CALCOCO2: variants seen among roughly 807,000 people sequenced by gnomAD.
CALCOCO2 encodes the protein calcium binding and coiled-coil domain 2.
Under a neutral mutation model 62.5 loss-of-function variants are expected in CALCOCO2, and 42 were observed. The ratio of observed to expected loss-of-function variants is 0.67; its 90% CI spans 0.53 to 0.87. CALCOCO2 has a LOEUF of 0.87. Among genes scored for constraint, CALCOCO2 ranks in the 40% least tolerant of loss-of-function variants. The pLI, the probability that CALCOCO2 is intolerant of heterozygous loss-of-function variation, is 0.00. For synonymous variants in CALCOCO2, 167 were observed against 173.0 expected, an observed-to-expected ratio of 0.97 and a Z score of 0.27; for missense variants, 456 against 515.0, an observed-to-expected ratio of 0.89 and a Z score of 1.11.
chr17:48,849,155 C>T (rs1351717968), intron 4 of CALCOCO2, 97 bp from the exon 5 acceptor site: 23 of 1,123,670 alleles, frequency 2.0e-5, no homozygotes, highest in Non-Finnish European at 2.8e-5. Flanking sequence ...GGTGTCACTG[C>T]AGTGAATGGG....
intron 10 of CALCOCO2, among the ~76,000 whole-genome samples, chr17:48,857,520 T>TTTTTTTTTTTTTTTTTTA: frequency 7.8e-6 from 1 of 128,028 alleles, no homozygotes; most frequent in Non-Finnish European, 1.6e-5. Flanking sequence ...TTTTTTTTTT[T>TTTTTTTTTTTTTTTTTTA]GAGACGGAGT....
At chr17:48,850,205 A>G (rs2040107777) in intron 5 of CALCOCO2, among the ~76,000 whole-genome samples, 3 of 152,332 alleles carry the variant, frequency 2.0e-5, no homozygotes, top group African/African-American at 7.2e-5. Context: ...AGGCTGAGGC[A>G]GGAGAATTGC....
chr17:48,846,381 G>T, intron 2 of CALCOCO2: 1 of 697,570 alleles, frequency 1.4e-6, no homozygotes, highest in Admixed American at 2.5e-5. Context: ...CCTAAAGCAG[G>T]AAGCAGTCTG....
At chr17:48,857,975 A>AATAGG (rs1309644634) in intron 10 of CALCOCO2, among the ~76,000 whole-genome samples, 3 of 15,872 alleles carry the variant, frequency 1.9e-4, no homozygotes, top group Non-Finnish European at 2.9e-4. Context: ...AGACTACATC[A>AATAGG]ATAGAATAGA....
In CALCOCO2 at chr17:48,841,695, C is replaced by T. The variant is rs147070596; in HGVS notation, c.-10-3C>T. 2.6e-5 allele frequency: 42 copies of T among 1,598,878 alleles called. No individual in the cohort carries two copies. Among genetic ancestry groups the T allele is most frequent in the Admixed American group, 2.2e-4 (13 of 58,290 alleles). On this transcript the variant is annotated splice_region_variant and splice_polypyrimidine_tract_variant and intron_variant, in intron 1 of 12. Transcript: ENST00000258947. The stretch of plus-strand genomic sequence containing the variant: ...CCTTACTCTGTTCCACATTTCATAA[C>T]AGGACCCCTACCATGGAGGAGACCA...
chr17:48,858,064 T>TAGAATAGAATAGAACAGAACAGAAC (rs2040268498), intron 10 of CALCOCO2, among the ~76,000 whole-genome samples: 2 of 142,522 alleles, frequency 1.4e-5, no homozygotes, highest in Non-Finnish European at 3.1e-5. Flanking sequence ...TAGAATAGAA[T>TAGAATAGAATAGAACAGAACAGAAC]AGAATAGAAT....
chr17:48,833,861 G>T (rs939515646), intron 1 of CALCOCO2, among the ~76,000 whole-genome samples: 1 of 152,100 alleles, frequency 6.6e-6, no homozygotes, highest in African/African-American at 2.4e-5. Flanking sequence ...GGGCACGGTA[G>T]CTCATGCATG....
chr17:48,840,454 AT>A (rs1301917821), intron 1 of CALCOCO2, among the ~76,000 whole-genome samples: 9 of 152,126 alleles, frequency 5.9e-5, no homozygotes, highest in African/African-American at 2.2e-4. Flanking sequence ...TCTTGATCAC[AT>A]TTTATCTGTA....
intron 1 of CALCOCO2, among the ~76,000 whole-genome samples, chr17:48,838,615 G>A (rs528906316): frequency 9.9e-5 from 15 of 152,166 alleles, no homozygotes; most frequent in East Asian, 3.9e-4. Flanking sequence ...TCGGGAGGCC[G>A]AGGCAGGAGA....
chr17:48,831,194 A>AGT, intron 1 of CALCOCO2, 116 bp downstream of exon 1: 1 of 152,494 alleles, frequency 6.6e-6, no homozygotes, highest in African/African-American at 2.4e-5. Context: ...TTCTCACCGC[A>AGT]GTTCACCCTC....
At chr17:48,835,939 C>G (rs2039885107) in intron 1 of CALCOCO2, among the ~76,000 whole-genome samples, 1 of 151,984 alleles carries the variant, frequency 6.6e-6, no homozygotes, top group South Asian at 2.1e-4. Flanking sequence ...TTAGTAGAGA[C>G]AGGGTTTCAC....
intron 2 of CALCOCO2, among the ~76,000 whole-genome samples, chr17:48,847,126 A>C (rs1243972946): frequency 1.8e-4 from 27 of 152,210 alleles, no homozygotes; most frequent in Non-Finnish European, 1.5e-5. Context: ...ATCATTAAGC[A>C]TGCATGAAGA....
At chr17:48,840,807 C>T (rs544235258) in intron 1 of CALCOCO2, among the ~76,000 whole-genome samples, 2 of 152,074 alleles carry the variant, frequency 1.3e-5, no homozygotes, top group Non-Finnish European at 2.9e-5. Flanking sequence ...GGATTGGGAC[C>T]CTTTTTAAGG....
chr17:48,840,002 C>T (rs994795125), intron 1 of CALCOCO2, among the ~76,000 whole-genome samples: 6 of 151,720 alleles, frequency 4.0e-5, no homozygotes, highest in African/African-American at 1.2e-4. Context: ...TTAATAGAGA[C>T]AGTCTCACTA....
intron 6 of CALCOCO2, 62 bp from the exon 7 acceptor site, chr17:48,851,497 A>C (rs1234836328): frequency 4.2e-6 from 4 of 948,216 alleles, no homozygotes; most frequent in Non-Finnish European, 7.0e-6. Flanking sequence ...AAATCACTTA[A>C]GGCCAGGGGT....
chr17:48,837,757 G>A lies in CALCOCO2; in HGVS notation c.-10-3941G>A, dbSNP rs115930924. ...TTTTAGTTCCTTAACTCAATTTCAA[G>A]AATAGACAGTTTAGTGCTCCAAAGT... On this transcript the variant is annotated intron_variant, in intron 1 of 12. Transcript: ENST00000258947. Among the ~76,000 whole-genome samples, 335 of 152,236 alleles carry A rather than the reference G, an allele frequency of 2.2e-3. 1 individual carries two copies. The highest frequency in any genetic ancestry group is 7.6e-3 in the African/African-American group (314 of 41,522).
intron 10 of CALCOCO2, among the ~76,000 whole-genome samples, chr17:48,858,057 A>AATAGAATAGAATAGG (rs2040266417): frequency 3.6e-5 from 5 of 139,504 alleles, no homozygotes; most frequent in African/African-American, 1.1e-4. Flanking sequence ...AATAGAATAG[A>AATAGAATAGAATAGG]ATAGAATAGA....
intron 7 of CALCOCO2, 90 bp downstream of exon 7, chr17:48,851,718 G>A (rs2040132351): frequency 1.3e-6 from 1 of 781,188 alleles, no homozygotes; most frequent in Non-Finnish European, 2.3e-6. Flanking sequence ...TTTCATTGCA[G>A]TGAGTGCCTA....
chr17:48,842,489 G>C (rs539964175), intron 2 of CALCOCO2: 1 of 151,770 alleles, frequency 6.6e-6, no homozygotes, highest in Non-Finnish European at 1.5e-5. Flanking sequence ...ATAAATACTT[G>C]CTTCTTGTTG....
Sources: gnomAD v4.1 joint callset for allele counts (sites outside exome capture counted in the v4.1 genomes callset) on GRCh38, gnomAD v4.1.1 for gene constraint, MANE v1.5 for transcripts, NCBI Gene and HGNC (gene_info 2026-07-23, HGNC 2026-07-21) for gene names.